The following PRIM2 variants were observed in gnomAD, a reference collection of about 807,000 sequenced individuals.
The protein encoded by PRIM2 is DNA primase subunit 2, also known as DNA primase large subunit.
In PRIM2, 39 loss-of-function variants were observed where a neutral mutation model predicts 67.3. The ratio of observed to expected loss-of-function variants is 0.58; its 90% confidence interval spans 0.45 to 0.76. The LOEUF (loss-of-function observed/expected upper bound fraction) is 0.76. PRIM2 is among the 30% of genes least tolerant of loss of function. PRIM2 has a pLI of 0.00. For missense variants in PRIM2, 398 were observed against 598.7 expected (o/e 0.66, Z 3.50); for synonymous variants, 143 against 198.7 (o/e 0.72, Z 2.36).
At chr6:57,503,707 G>A (rs1379367171) in intron 7 of PRIM2, among the ~76,000 whole-genome samples, 1 of 151,824 alleles carries the variant, frequency 6.6e-6, no homozygotes, top group Non-Finnish European at 1.5e-5. Flanking sequence ...AGTGGGCCAA[G>A]ATCACACCAC....
chr6:57,418,381 TG>T (rs1231631980), intron 7 of PRIM2, among the ~76,000 whole-genome samples: 7 of 73,994 alleles, frequency 9.5e-5, no homozygotes, highest in Admixed American at 1.7e-4. Flanking sequence ...CCTATGTGTG[TG>T]GTTTTTTTTT....
chr6:57,602,925 C>T (rs1365496595), intron 11 of PRIM2, among the ~76,000 whole-genome samples: 3 of 152,262 alleles, frequency 2.0e-5, no homozygotes, highest in African/African-American at 7.2e-5. Flanking sequence ...CCTCCACGCC[C>T]CAACACACGC....
intron 10 of PRIM2, among the ~76,000 whole-genome samples, chr6:57,595,051 C>T (rs1348253378): frequency 2.6e-5 from 4 of 152,136 alleles, no homozygotes; most frequent in Non-Finnish European, 5.9e-5. Context: ...CAGGGAAATG[C>T]AAAGTGAGAT....
At chr6:57,528,241 A>T (rs1335298626) in intron 8 of PRIM2, among the ~76,000 whole-genome samples, 1 of 149,504 alleles carries the variant, frequency 6.7e-6, no homozygotes, top group Non-Finnish European at 1.5e-5. Flanking sequence ...ACTGCTGGGA[A>T]TAGAGGCATG....
intron 13 of PRIM2, among the ~76,000 whole-genome samples, chr6:57,637,246 T>G (rs1174152001): frequency 6.6e-6 from 1 of 152,156 alleles, no homozygotes; most frequent in Non-Finnish European, 1.5e-5. Flanking sequence ...AGAAACCCCA[T>G]GCAAAGTTCA....
chr6:57,381,582 T>A (rs1181620394), intron 6 of PRIM2, among the ~76,000 whole-genome samples: 1 of 151,430 alleles, frequency 6.6e-6, no homozygotes, highest in Admixed American at 6.6e-5. Context: ...GGAGTGAGAA[T>A]GGAAACATAC....
chr6:57,470,254 C>A (rs1773303269), intron 7 of PRIM2, among the ~76,000 whole-genome samples: 1 of 151,380 alleles, frequency 6.6e-6, no homozygotes, highest in Non-Finnish European at 1.5e-5. Flanking sequence ...CTCTGGATAA[C>A]CCTGTTGTAC....
At chr6:57,274,997 G>A in the PRIM2 span, among the ~76,000 whole-genome samples, 1 of 150,170 alleles carries the variant, frequency 6.7e-6, no homozygotes, top group African/African-American at 2.5e-5. Context: ...ACGCTAGCCA[G>A]GATGGTCTCA....
At chr6:57,347,840 A>G (rs907722150) in intron 5 of PRIM2, among the ~76,000 whole-genome samples, 2 of 152,210 alleles carry the variant, frequency 1.3e-5, no homozygotes, top group African/African-American at 4.8e-5. Context: ...CTAAATATTT[A>G]GAGATGTATA....
chr6:57,292,164 C>T, the PRIM2 span, among the ~76,000 whole-genome samples: 1 of 152,156 alleles, frequency 6.6e-6, no homozygotes, highest in Non-Finnish European at 1.5e-5. Context: ...GATACAAAAT[C>T]AATGTGCAAA....
At chr6:57,273,282 G>T in the PRIM2 span, among the ~76,000 whole-genome samples, 4 of 152,240 alleles carry the variant, frequency 2.6e-5, no homozygotes, top group African/African-American at 9.6e-5. Flanking sequence ...CGCAGATTTG[G>T]TCTTTTCACA....
intron 7 of PRIM2, among the ~76,000 whole-genome samples, chr6:57,429,678 A>G (rs1771756212): frequency 6.6e-6 from 1 of 152,154 alleles, no homozygotes; most frequent in Admixed American, 6.5e-5. Flanking sequence ...ATACAATCTG[A>G]TTGGCCCTAA....
the PRIM2 span, among the ~76,000 whole-genome samples, chr6:57,303,931 C>T: frequency 1.3e-5 from 2 of 152,210 alleles, no homozygotes; most frequent in African/African-American, 4.8e-5. Flanking sequence ...CTTTGCACCC[C>T]GCCCACTTCT....
intron 10 of PRIM2, among the ~76,000 whole-genome samples, chr6:57,578,676 G>GTTTTT (rs1171202485): frequency 5.9e-5 from 6 of 101,308 alleles, no homozygotes; most frequent in East Asian, 3.0e-4. Context: ...TTTGTTTTTT[G>GTTTTT]TTTTTTTTTT....
chr6:57,394,863 A>C (rs981461322), intron 7 of PRIM2, among the ~76,000 whole-genome samples: 2 of 151,996 alleles, frequency 1.3e-5, no homozygotes, highest in African/African-American at 4.8e-5. Context: ...GGAGAGTTTT[A>C]ATCATAAAGA....
chr6:57,330,601 G>A lies in PRIM2; in HGVS notation c.459+4556G>A, dbSNP rs577258194. 1.4e-4 allele frequency among the ~76,000 whole-genome samples: 21 copies of A among 152,022 alleles called. No homozygotes were observed. In the South Asian group the frequency reaches 3.9e-3, roughly 29 times the overall value. On this transcript the variant is annotated intron_variant, in intron 5 of 13. Transcript: ENST00000615550. ...AGATATTCTGACTCCTTTCTAATCA[G>A]GATGCTTTTTGTTTCTTTATTTTTG...
At chr6:57,506,462 A>G (rs1336157284) in intron 7 of PRIM2, among the ~76,000 whole-genome samples, 1 of 152,118 alleles carries the variant, frequency 6.6e-6, no homozygotes, top group Non-Finnish European at 1.5e-5. Context: ...ATAAACCCAA[A>G]GGATATCTTT....
chr6:57,406,120 C>T (rs1770880803), intron 7 of PRIM2, among the ~76,000 whole-genome samples: 3 of 152,152 alleles, frequency 2.0e-5, no homozygotes, highest in African/African-American at 7.2e-5. Context: ...TTTTGCAAGG[C>T]TCTCTCTTAG....
Position 57,443,380 on chromosome 6 carries a change from G to T in PRIM2, c.693+61212G>T, listed in dbSNP as rs566917938. 2.0e-5 allele frequency among the ~76,000 whole-genome samples: 3 copies of T among 152,304 alleles called. No homozygotes were observed. The East Asian group carries it at 5.8e-4, about 29-fold the overall frequency. On this transcript the variant is annotated intron_variant, in intron 7 of 13. Transcript: ENST00000615550. ...ACATTCCTGCCAACGGTTTACAAGT[G>T]TTCCCTTTTACTCCATGCCCTTGCC...
Sources: gnomAD v4.1 joint callset for allele counts (sites outside exome capture counted in the v4.1 genomes callset) on GRCh38, gnomAD v4.1.1 for gene constraint, MANE v1.5 for transcripts, NCBI Gene and HGNC (gene_info 2026-07-23, HGNC 2026-07-21) for gene names.